Variants in LARGE1 observed in about 807,000 individuals in gnomAD.
The protein encoded by LARGE1 is xylosyl- and glucuronyltransferase LARGE1.
In LARGE1, 43 loss-of-function variants were observed where a neutral mutation model predicts 87.6. That is an observed-to-expected ratio of 0.49 (90% CI 0.38 to 0.63). The LOEUF (loss-of-function observed/expected upper bound fraction) is 0.63. LARGE1 is among the 30% of genes least tolerant of loss of function. The probability of loss-of-function intolerance (pLI) is 0.00; values close to 1 mark genes in which losing one functional copy is unlikely to be tolerated. For missense variants in LARGE1, 802 were observed against 1,000.2 expected, an observed-to-expected ratio of 0.80 and a Z score of 2.67; for synonymous variants, 434 against 394.6, an observed-to-expected ratio of 1.10 and a Z score of -1.18.
chr22:33,264,818 G>C (rs1927834512), intron 11 of LARGE1, among the ~76,000 whole-genome samples: 1 of 148,002 alleles, frequency 6.8e-6, no homozygotes. Context: ...AGCCTGCTGA[G>C]TTCAATTTTA....
chr22:33,131,736 T>C, the LARGE1 span, among the ~76,000 whole-genome samples: 6 of 151,926 alleles, frequency 3.9e-5, no homozygotes, highest in Non-Finnish European at 4.4e-5. Context: ...CCATGACACA[T>C]GGGAATTATG....
At chr22:33,741,266 A>G (rs1197218823) in intron 2 of LARGE1, among the ~76,000 whole-genome samples, 2 of 152,206 alleles carry the variant, frequency 1.3e-5, no homozygotes, top group East Asian at 1.9e-4. Flanking sequence ...ACATCATGCA[A>G]TAACAAGCTC....
At chr22:33,568,512 A>G (rs1602480907) in intron 5 of LARGE1, among the ~76,000 whole-genome samples, 3 of 152,300 alleles carry the variant, frequency 2.0e-5, no homozygotes, top group Admixed American at 2.0e-4. Context: ...CACGCCTGTA[A>G]TCCCAGAACT....
intron 4 of LARGE1, among the ~76,000 whole-genome samples, chr22:33,615,044 G>A (rs1569314317): frequency 6.6e-6 from 1 of 152,150 alleles, no homozygotes; most frequent in South Asian, 2.1e-4. Flanking sequence ...GCCATTCCAC[G>A]GTGTCAGACG....
chr22:33,356,448 C>T (rs1940901778), intron 9 of LARGE1, among the ~76,000 whole-genome samples: 1 of 152,170 alleles, frequency 6.6e-6, no homozygotes, highest in Admixed American at 6.5e-5. Flanking sequence ...AGGTGTTTAA[C>T]CTTTGTGTGT....
chr22:33,909,740 G>A (rs577356432), intron 1 of LARGE1, among the ~76,000 whole-genome samples: 5 of 151,806 alleles, frequency 3.3e-5, no homozygotes, highest in East Asian at 1.9e-4. Flanking sequence ...GGGTTTCACC[G>A]CGTTAGTCAA....
At chr22:33,194,075 C>T (rs901213147) in intron 11 of LARGE1, among the ~76,000 whole-genome samples, 3 of 151,066 alleles carry the variant, frequency 2.0e-5, no homozygotes, top group Non-Finnish European at 3.0e-5. Context: ...CTGCATTATT[C>T]ATGTCATAAA....
chr22:33,912,176 T>C (rs142277792), intron 1 of LARGE1, among the ~76,000 whole-genome samples: 4 of 152,300 alleles, frequency 2.6e-5, no homozygotes, highest in East Asian at 1.9e-4. Flanking sequence ...ACAAACAGTG[T>C]TGGCACATGA....
rs143635076 is a variant in LARGE1 at position 33,221,279 on chromosome 22, T to A, written c.1731-54447A>T. Among the ~76,000 whole-genome samples the A allele has an allele frequency of 2.8e-4, 43 of 152,252 alleles. 1 individual carries two copies. Among genetic ancestry groups the A allele is most frequent in the Middle Eastern group, 3.4e-3 (1 of 294 alleles). Reference sequence around the variant, plus strand: ...TGTGTACATCTCTAGCAAGGTCAATTACAAACATCGAGGGGAAATGCCTGT... The same window carrying A: ...TGTGTACATCTCTAGCAAGGTCAATAACAAACATCGAGGGGAAATGCCTGT... On this transcript the variant is annotated intron_variant, in intron 11 of 11. Transcript: ENST00000608642.
intron 1 of LARGE1, among the ~76,000 whole-genome samples, chr22:33,763,642 C>A (rs569853329): frequency 2.0e-5 from 3 of 152,158 alleles, no homozygotes; most frequent in African/African-American, 7.2e-5. Flanking sequence ...CTGGCTGTGA[C>A]CTTGACCAAG....
chr22:33,706,128 T>C (rs931489232), intron 2 of LARGE1, among the ~76,000 whole-genome samples: 1 of 152,218 alleles, frequency 6.6e-6, no homozygotes, highest in Non-Finnish European at 1.5e-5. Flanking sequence ...GCATTCCATG[T>C]TGGTTTGTCT....
intron 6 of LARGE1, among the ~76,000 whole-genome samples, chr22:33,440,201 A>G (rs572543338): frequency 1.3e-5 from 2 of 152,204 alleles, no homozygotes; most frequent in African/African-American, 2.4e-5. Context: ...TGGATGAATG[A>G]ATGGGTGAAT....
chr22:33,395,124 G>A (rs2065683221), intron 7 of LARGE1, among the ~76,000 whole-genome samples: 1 of 151,638 alleles, frequency 6.6e-6, no homozygotes, highest in Non-Finnish European at 1.5e-5. Flanking sequence ...AGCTATTTGG[G>A]AGGCTGAGGC....
At chr22:33,298,612 C>T (rs1383478144) in intron 12 of LARGE1, among the ~76,000 whole-genome samples, 1 of 152,148 alleles carries the variant, frequency 6.6e-6, no homozygotes, top group Non-Finnish European at 1.5e-5. Flanking sequence ...TGCTTGAGCC[C>T]AGGAGTTTGA....
chr22:33,166,371 T>A, exon 12 of LARGE1: 1 of 185,436 alleles, frequency 5.4e-6, no homozygotes, highest in Admixed American at 5.9e-5. Flanking sequence ...GATGTTCCCC[T>A]GCATGTACCA....
chr22:33,442,243 T>A (rs1290450716), intron 6 of LARGE1, among the ~76,000 whole-genome samples: 2 of 152,194 alleles, frequency 1.3e-5, no homozygotes, highest in Admixed American at 1.3e-4. Context: ...TCAGCCCTCA[T>A]CCAGCAGGTA....
chr22:33,872,232 T>C (rs2064312467), intron 1 of LARGE1, among the ~76,000 whole-genome samples: 1 of 151,942 alleles, frequency 6.6e-6, no homozygotes, highest in South Asian at 2.1e-4. Flanking sequence ...GACGTGACAC[T>C]GCCTTCATTA....
intron 2 of LARGE1, among the ~76,000 whole-genome samples, chr22:33,746,010 G>C (rs1165080315): frequency 6.6e-6 from 1 of 152,170 alleles, no homozygotes; most frequent in Non-Finnish European, 1.5e-5. Context: ...TGCCTGCCTG[G>C]GTTCAATCTC....
At chr22:33,087,518 C>T in the LARGE1 span, among the ~76,000 whole-genome samples, 1 of 152,176 alleles carries the variant, frequency 6.6e-6, no homozygotes, top group Non-Finnish European at 1.5e-5. Flanking sequence ...TAGTATACAG[C>T]ACTGCTATAT....
Sources: gnomAD v4.1 joint callset for allele counts (sites outside exome capture counted in the v4.1 genomes callset) on GRCh38, gnomAD v4.1.1 for gene constraint, MANE v1.5 for transcripts, NCBI Gene and HGNC (gene_info 2026-07-23, HGNC 2026-07-21) for gene names.